SPATA13: variants seen among roughly 807,000 people sequenced by gnomAD.
SPATA13 encodes spermatogenesis associated 13, also known as spermatogenesis-associated protein 13.
A neutral mutation model predicts 104.0 loss-of-function variants in SPATA13; 50 were observed. That is an observed-to-expected ratio of 0.48 (90% confidence interval 0.38 to 0.61). The LOEUF is 0.61. SPATA13 is among the 20% of genes least tolerant of loss of function. The pLI, the probability that SPATA13 is intolerant of heterozygous loss-of-function variation, is 0.00. For synonymous variants in SPATA13, 606 were observed against 667.5 expected (o/e 0.91, Z 1.42); for missense variants, 1,524 against 1,690.6 (o/e 0.90, Z 1.73).
At chr13:24,152,651 T>C (rs1425573923) in intron 3 of SPATA13, among the ~76,000 whole-genome samples, 2 of 152,178 alleles carry the variant, frequency 1.3e-5, no homozygotes, top group African/African-American at 4.8e-5. Context: ...GCCCATGGCC[T>C]TTTCAAAGTC....
intron 3 of SPATA13, among the ~76,000 whole-genome samples, chr13:24,079,889 A>G (rs1237290186): frequency 3.3e-5 from 5 of 152,184 alleles, no homozygotes; most frequent in Non-Finnish European, 5.9e-5. Flanking sequence ...CACTGTCTAC[A>G]GTAAGTCACA....
At chr13:24,121,936 G>A (rs1168436829) in intron 3 of SPATA13, 6 of 673,844 alleles carry the variant, frequency 8.9e-6, no homozygotes, top group Admixed American at 2.5e-5. Context: ...ATCTCCTGGG[G>A]TTGTTGTTTC....
intron 2 of SPATA13, among the ~76,000 whole-genome samples, chr13:24,004,565 C>A (rs1876132747): frequency 6.6e-6 from 1 of 152,102 alleles, no homozygotes; most frequent in Non-Finnish European, 1.5e-5. Flanking sequence ...TGAAGGTGCT[C>A]CTTCCTTGGG....
chr13:24,195,566 C>T (rs954412545), intron 1 of SPATA13, among the ~76,000 whole-genome samples: 3 of 152,122 alleles, frequency 2.0e-5, no homozygotes, highest in Admixed American at 6.5e-5. Flanking sequence ...AGCCCACCAG[C>T]AATATAAGAG....
chr13:23,982,584 CT>C (rs1479899242), intron 1 of SPATA13, among the ~76,000 whole-genome samples: 2 of 151,956 alleles, frequency 1.3e-5, no homozygotes, highest in Admixed American at 6.6e-5. Flanking sequence ...TTTCATTAAA[CT>C]CTACTGTGAA....
chr13:24,133,427 A>G (rs1331837554), intron 3 of SPATA13, among the ~76,000 whole-genome samples: 1 of 152,170 alleles, frequency 6.6e-6, no homozygotes, highest in African/African-American at 2.4e-5. Flanking sequence ...GCCTTTGCCC[A>G]TAGCTACAGA....
intron 3 of SPATA13, among the ~76,000 whole-genome samples, chr13:24,087,778 C>T (rs908476535): frequency 1.3e-5 from 2 of 152,194 alleles, no homozygotes; most frequent in Non-Finnish European, 2.9e-5. Context: ...TTCCAGGAAG[C>T]CCGTGTTCTG....
intron 1 of SPATA13, among the ~76,000 whole-genome samples, chr13:24,202,240 G>A (rs1027931730): frequency 2.6e-5 from 4 of 151,760 alleles, no homozygotes; most frequent in Admixed American, 2.6e-4. Context: ...TTTATCCTAG[G>A]ATTTAAGTGC....
intron 1 of SPATA13, among the ~76,000 whole-genome samples, chr13:24,176,458 C>T (rs765476084): frequency 6.6e-6 from 1 of 152,108 alleles, no homozygotes; most frequent in Non-Finnish European, 1.5e-5. Context: ...AGTATTTGCT[C>T]TCTTTTTCCC....
At chr13:24,221,006 T>C (rs1298053825) in intron 1 of SPATA13, among the ~76,000 whole-genome samples, 2 of 152,364 alleles carry the variant, frequency 1.3e-5, no homozygotes, top group East Asian at 3.9e-4. Flanking sequence ...CTTTGGCCTC[T>C]GTGGCCTTGG....
At chr13:24,117,784 G>A (rs1880900365) in intron 3 of SPATA13, among the ~76,000 whole-genome samples, 1 of 152,064 alleles carries the variant, frequency 6.6e-6, no homozygotes, top group Non-Finnish European at 1.5e-5. Flanking sequence ...ACTTATGTTT[G>A]GGCTATGTAA....
intron 2 of SPATA13, among the ~76,000 whole-genome samples, chr13:23,994,088 C>T (rs1392175219): frequency 1.3e-5 from 2 of 151,072 alleles, no homozygotes; most frequent in Non-Finnish European, 2.9e-5. Flanking sequence ...TTGCCAGTGA[C>T]GGATATTCTT....
chr13:24,120,167 C>T (rs1484451691), intron 3 of SPATA13, among the ~76,000 whole-genome samples: 1 of 152,054 alleles, frequency 6.6e-6, no homozygotes, highest in Non-Finnish European at 1.5e-5. Context: ...CCTCCCTCCC[C>T]GGAAACTCTT....
chr13:24,169,116 G>T (rs980401575), intron 1 of SPATA13, among the ~76,000 whole-genome samples: 1 of 152,122 alleles, frequency 6.6e-6, no homozygotes, highest in African/African-American at 2.4e-5. Context: ...CTGGCATTGG[G>T]ATCTCTGCGT....
rs368439898 is a variant in SPATA13, at chr13:24,136,852, C to T, written c.-111-85967C>T. Among the ~76,000 whole-genome samples the T allele has an allele frequency of 1.1e-4, 4 of 34,996 alleles. 1 individual carries two copies. Among genetic ancestry groups the T allele is most frequent in the African/African-American group, 3.5e-4 (4 of 11,440 alleles). The allele number at this position is 34,996 out of a possible 152,430, so 23.0% of individuals were successfully genotyped here. On this transcript the variant is annotated intron_variant, in intron 3 of 14. Transcript: ENST00000424834. Reference sequence around the variant, plus strand: ...TTATTTATTTATTTTTTTTTTGAGACGGAGTCTCGCTCTGTCGCCCAGGCT... The same window carrying T: ...TTATTTATTTATTTTTTTTTTGAGATGGAGTCTCGCTCTGTCGCCCAGGCT...
Position 24,286,373 on chromosome 13 carries a change from T to C in SPATA13, c.2461T>C (p.Phe821Leu). 1.9e-6 allele frequency: 3 copies of C among 1,612,472 alleles called. No homozygotes were observed. Among genetic ancestry groups the C allele is most frequent in the South Asian group, 1.1e-5 (1 of 91,012 alleles). ...WGRSEDKEAWFPASFVRLRVN... is the reference protein window; with the variant it reads ...WGRSEDKEAWLPASFVRLRVN... ...CCGCAGTGAAGATAAGGAAGCCTGG[T>C]TCCCCGCGAGCTTCGTCAGAGTAAG... Residue 821 changes from phenylalanine (F) to leucine (L), a missense_variant, in exon 6 of 13, where the codon TTC (phenylalanine) becomes CTC (leucine). Phe to Leu is a conservative substitution (Grantham distance 22). This residue lies in a region of SPATA13 where 1,089 missense variants were observed against 1,135.9 expected (regional missense o/e 0.96). Coordinates refer to ENST00000382108, the MANE Select transcript of SPATA13 (RefSeq NM_001166271.3). This position sits in a 1 kb window ranked among gnomAD's most constrained non-coding sequence, Gnocchi z 4.9.
rs17080450 is a variant in SPATA13, at chr13:24,220,410, G to A, written c.-111-2409G>A. ...TCATAAGAAGACCATTACTACTAAT[G>A]TCAGTGCCTGTGAACTGGACTTGAC... On this transcript the variant is annotated intron_variant, in intron 1 of 12. Transcript: ENST00000382108. Among the ~76,000 whole-genome samples, 2,536 of 152,328 alleles carry A rather than the reference G, an allele frequency of 0.017. 133 individuals are homozygous for A. The East Asian group carries it at 0.18, about 11-fold the overall frequency.
At chr13:24,251,960 C>T (rs1873517229) in intron 4 of SPATA13, 98 bp downstream of exon 4, 2 of 1,455,976 alleles carry the variant, frequency 1.4e-6, no homozygotes, top group Non-Finnish European at 1.8e-6. Context: ...TCGCGCCTCC[C>T]TTGGGCCAGG....
In SPATA13 at chr13:24,286,002, G is replaced by A. The variant is rs763172523; in HGVS notation, c.2302-212G>A. The stretch of plus-strand genomic sequence containing the variant: ...AGTTTAAGCGCTTTCTTTAAAAGCA[G>A]GTAGAGATGTCCTCCTGACTTTGTT... On this transcript the variant is annotated intron_variant, in intron 5 of 12. Transcript: ENST00000382108. This position sits in a 1 kb window ranked among gnomAD's most constrained non-coding sequence, Gnocchi z 4.9. Among the ~76,000 whole-genome samples, 1 of 152,184 alleles carries A rather than the reference G, an allele frequency of 6.6e-6. No homozygotes were observed. Among genetic ancestry groups the A allele is most frequent in the African/African-American group, 2.4e-5 (1 of 41,452 alleles).
Sources: gnomAD v4.1 joint callset for allele counts (sites outside exome capture counted in the v4.1 genomes callset) on GRCh38, gnomAD v4.1.1 for gene constraint, gnomAD v4.1.1 regional missense constraint, Gnocchi (gnomAD v3.1) non-coding constraint, MANE v1.5 for transcripts, NCBI Gene and HGNC (gene_info 2026-07-23, HGNC 2026-07-21) for gene names.